MTMR7: variants seen among roughly 807,000 people sequenced by gnomAD.
MTMR7 encodes the protein phosphatidylinositol-3-phosphate phosphatase MTMR7.
MTMR7 carries 76 observed loss-of-function variants against 81.2 expected under a neutral mutation model. The observed-to-expected ratio is 0.94, with a 90% CI of 0.78 to 1.13. MTMR7 has a LOEUF of 1.13. Among genes scored for constraint, MTMR7 ranks in the 50% most tolerant of loss-of-function variants. The pLI is 0.00. For missense variants in MTMR7, 1,044 were observed against 820.0 expected (o/e 1.27, Z -3.34); for synonymous variants, 372 against 289.8 (o/e 1.28, Z -2.88).
intron 1 of MTMR7, among the ~76,000 whole-genome samples, chr8:17,391,581 G>C (rs1005960230): frequency 6.6e-6 from 1 of 152,066 alleles, no homozygotes; most frequent in African/African-American, 2.4e-5. Context: ...AAATGTATCC[G>C]TTTAGCTTAA....
rs1183780025 is a variant in MTMR7 at position 17,297,883 on chromosome 8, A to ATGTC, written c.*1975_*1978dup. The ATGTC allele has an allele frequency of 6.6e-6, 1 of 152,026 alleles. No individual in the cohort carries two copies. The highest frequency in any genetic ancestry group is 1.9e-4 in the East Asian group (1 of 5,202). 9.4% of individuals were successfully genotyped at this position (152,026 alleles called of 1,614,324 possible). Reference sequence around the variant, plus strand: ...AGACGAACATGTTACATAAATTATAATGTCTGTCTTGTAAAAAAGTTGAGG... The same window carrying ATGTC: ...AGACGAACATGTTACATAAATTATAATGTCTGTCTGTCTTGTAAAAAAGTTGAGG... On this transcript the variant is annotated 3_prime_UTR_variant, in exon 14 of 14. Transcript: ENST00000180173.
intron 1 of MTMR7, among the ~76,000 whole-genome samples, chr8:17,382,972 C>G (rs1820804942): frequency 6.6e-6 from 1 of 152,076 alleles, no homozygotes; most frequent in African/African-American, 2.4e-5. Flanking sequence ...ACTCACAGGG[C>G]ACCAAACTGT....
At chr8:17,407,450 T>C (rs1821621029) in intron 1 of MTMR7, among the ~76,000 whole-genome samples, 1 of 152,154 alleles carries the variant, frequency 6.6e-6, no homozygotes, top group Admixed American at 6.5e-5. Flanking sequence ...ACTATAAAAC[T>C]ATTCATCTTC....
At chr8:17,405,893 G>T (rs1005418150) in intron 1 of MTMR7, among the ~76,000 whole-genome samples, 2 of 149,158 alleles carry the variant, frequency 1.3e-5, no homozygotes, top group Non-Finnish European at 1.5e-5. Flanking sequence ...AGAGAAAATG[G>T]ACATGATTTT....
At chr8:17,359,638 C>T (rs1820002477) in intron 4 of MTMR7, among the ~76,000 whole-genome samples, 1 of 145,996 alleles carries the variant, frequency 6.8e-6, no homozygotes, top group African/African-American at 2.5e-5. Context: ...AAGAAAATAC[C>T]CAGAATTCAA....
intron 6 of MTMR7, among the ~76,000 whole-genome samples, chr8:17,335,594 G>A (rs544107706): frequency 2.0e-5 from 3 of 152,306 alleles, no homozygotes; most frequent in East Asian, 1.9e-4. Context: ...GCAGGAGGGG[G>A]ACTTGGTCTT....
At chr8:17,307,390 G>T (rs574010440) in intron 10 of MTMR7, among the ~76,000 whole-genome samples, 1 of 152,138 alleles carries the variant, frequency 6.6e-6, no homozygotes, top group Non-Finnish European at 1.5e-5. Context: ...GAAACAACAG[G>T]TGCTGGAGAG....
intron 11 of MTMR7, among the ~76,000 whole-genome samples, chr8:17,305,492 T>C (rs1450602132): frequency 6.6e-6 from 1 of 152,168 alleles, no homozygotes; most frequent in East Asian, 1.9e-4. Flanking sequence ...CTCCAGAAAA[T>C]TCCCTTTCGA....
rs1301330942 is a variant in MTMR7, at chr8:17,300,005, C to G, written c.1840G>C (p.Asp614His). ...ILTQDNLKSS[D>H]PDLSANSDQE... The stretch of plus-strand genomic sequence containing the variant: ...TCACTGTTGGCTGACAGATCTGGAT[C>G]TGAACTTTTCAGATTGTCTTGGGTT... Residue 614 changes from aspartate to histidine, a missense_variant, in exon 14 of 14, where the codon GAT (aspartate) becomes CAT (histidine). By Grantham distance (81) the Asp-to-His change is moderately conservative. Transcript: ENST00000180173. 3.7e-6 allele frequency: 6 copies of G among 1,614,160 alleles called. No homozygotes were observed. In the East Asian group the frequency reaches 1.3e-4, roughly 36 times the overall value.
chr8:17,304,906 A>T (rs1334839567), intron 11 of MTMR7, among the ~76,000 whole-genome samples: 1 of 152,182 alleles, frequency 6.6e-6, no homozygotes, highest in African/African-American at 2.4e-5. Flanking sequence ...TCTAATTTAC[A>T]GATGAAGAAA....
chr8:17,369,655 T>C (rs1379038965), intron 3 of MTMR7, among the ~76,000 whole-genome samples: 1 of 146,298 alleles, frequency 6.8e-6, no homozygotes, highest in Non-Finnish European at 1.5e-5. Context: ...TTTTTTTTTT[T>C]TTTTTTTTGA....
intron 1 of MTMR7, among the ~76,000 whole-genome samples, chr8:17,392,951 T>C (rs1453647034): frequency 1.3e-5 from 2 of 152,222 alleles, no homozygotes; most frequent in Non-Finnish European, 2.9e-5. Context: ...CTATGTGCCA[T>C]GTTATTTAGT....
At chr8:17,408,571 G>C (rs902842938) in intron 1 of MTMR7, among the ~76,000 whole-genome samples, 6 of 152,106 alleles carry the variant, frequency 3.9e-5, no homozygotes, top group Non-Finnish European at 7.3e-5. Flanking sequence ...AAGATCCTGA[G>C]AGATGGGGGC....
intron 1 of MTMR7, among the ~76,000 whole-genome samples, chr8:17,389,471 C>T (rs768897272): frequency 3.3e-5 from 5 of 152,194 alleles, no homozygotes; most frequent in African/African-American, 4.8e-5. Flanking sequence ...ACAATGATCA[C>T]ACTTCAGAAC....
intron 12 of MTMR7, among the ~76,000 whole-genome samples, chr8:17,302,703 A>AAACCCC (rs1817196933): frequency 9.7e-5 from 1 of 10,350 alleles, no homozygotes; most frequent in Non-Finnish European, 3.4e-4. Flanking sequence ...ATTGGCAATA[A>AAACCCC]CCCCCCCCCC....
At chr8:17,379,116 T>C (rs1820683624) in intron 1 of MTMR7, among the ~76,000 whole-genome samples, 1 of 152,046 alleles carries the variant, frequency 6.6e-6, no homozygotes, top group Non-Finnish European at 1.5e-5. Flanking sequence ...AGAGGGAGTG[T>C]CTATGTCAAA....
At chr8:17,312,883 T>C (rs552194248) in intron 8 of MTMR7, among the ~76,000 whole-genome samples, 1 of 152,312 alleles carries the variant, frequency 6.6e-6, no homozygotes, top group East Asian at 1.9e-4. Context: ...CATTTTCCTA[T>C]GGCGGAATGG....
chr8:17,379,533 G>C (rs1820696588), intron 1 of MTMR7, among the ~76,000 whole-genome samples: 3 of 152,102 alleles, frequency 2.0e-5, no homozygotes, highest in Admixed American at 2.0e-4. Flanking sequence ...AAGGAGATGG[G>C]GATCGCTGAG....
chr8:17,370,065 G>A (rs892563052), intron 3 of MTMR7, among the ~76,000 whole-genome samples: 10 of 151,462 alleles, frequency 6.6e-5, no homozygotes, highest in Non-Finnish European at 1.5e-4. Flanking sequence ...GATGACGGCT[G>A]GAACAAGATA....
Sources: allele counts gnomAD v4.1 joint callset (sites outside exome capture counted in the v4.1 genomes callset), GRCh38; gene constraint gnomAD v4.1.1; transcripts MANE v1.5; gene names NCBI Gene and HGNC (gene_info 2026-07-23, HGNC 2026-07-21).